Variants in CFAP299 observed in about 807,000 individuals in gnomAD.
CFAP299 encodes the protein cilia- and flagella-associated protein 299.
A neutral mutation model predicts 27.0 loss-of-function variants in CFAP299; 21 were observed. The observed-to-expected ratio is 0.78, with a 90% confidence interval of 0.55 to 1.12. The LOEUF is 1.12. CFAP299 is among the 50% of genes most tolerant of loss of function. The pLI, the probability that CFAP299 is intolerant of heterozygous loss-of-function variation, is 0.00. For synonymous variants in CFAP299, 104 were observed against 98.1 expected, an observed-to-expected ratio of 1.06 and a Z score of -0.36; for missense variants, 310 against 276.6, an observed-to-expected ratio of 1.12 and a Z score of -0.86.
chr4:80,518,870 A>G (rs1732730353), intron 2 of CFAP299, among the ~76,000 whole-genome samples: 1 of 152,090 alleles, frequency 6.6e-6, no homozygotes, highest in African/African-American at 2.4e-5. Flanking sequence ...TTGCTTAGAG[A>G]GGACATATGG....
At chr4:80,828,139 A>T (rs1330696968) in intron 3 of CFAP299, among the ~76,000 whole-genome samples, 1 of 152,060 alleles carries the variant, frequency 6.6e-6, no homozygotes, top group African/African-American at 2.4e-5. Flanking sequence ...TACAGATTCA[A>T]TGCAATCCTT....
chr4:80,446,662 C>T (rs1728629388), intron 2 of CFAP299, among the ~76,000 whole-genome samples: 1 of 152,136 alleles, frequency 6.6e-6, no homozygotes, highest in African/African-American at 2.4e-5. Flanking sequence ...CATTAGGGAC[C>T]TCAAACATCA....
chr4:80,891,830 G>GAAAAAAAAAAAAAAAAAAAAAAAAAAAAA (rs35425830), intron 4 of CFAP299, among the ~76,000 whole-genome samples: 1 of 53,996 alleles, frequency 1.9e-5, no homozygotes, highest in Non-Finnish European at 3.6e-5. Flanking sequence ...TAGATTAAAG[G>GAAAAAAAAAAAAAAAAAAAAAAAAAAAAA]AAAAAAAAAA....
At chr4:80,482,070 G>C (rs1390872991) in intron 2 of CFAP299, among the ~76,000 whole-genome samples, 1 of 151,934 alleles carries the variant, frequency 6.6e-6, no homozygotes, top group Non-Finnish European at 1.5e-5. Context: ...AAGTGGAAGA[G>C]TCAGAAAATC....
chr4:80,926,717 T>A (rs1736324769), intron 4 of CFAP299, among the ~76,000 whole-genome samples: 1 of 151,922 alleles, frequency 6.6e-6, no homozygotes, highest in Non-Finnish European at 1.5e-5. Context: ...CTATAAAAAA[T>A]GTCAATAGAG....
intron 4 of CFAP299, among the ~76,000 whole-genome samples, chr4:80,906,847 G>C (rs539127765): frequency 1.3e-5 from 2 of 152,304 alleles, no homozygotes; most frequent in East Asian, 3.9e-4. Context: ...CTCCAGAACT[G>C]TGATGGGAGG....
At chr4:80,380,055 T>G (rs1724618937) in intron 2 of CFAP299, among the ~76,000 whole-genome samples, 1 of 152,114 alleles carries the variant, frequency 6.6e-6, no homozygotes. Context: ...AAATACTATC[T>G]TTTTGATTTA....
intron 4 of CFAP299, among the ~76,000 whole-genome samples, chr4:80,889,966 AACAT>A (rs779976244): frequency 1.3e-5 from 2 of 152,156 alleles, no homozygotes; most frequent in African/African-American, 2.4e-5. Flanking sequence ...GAATAGAATG[AACAT>A]ACCTCAATGT....
At chr4:80,443,886 A>G (rs1728486457) in intron 2 of CFAP299, among the ~76,000 whole-genome samples, 1 of 152,166 alleles carries the variant, frequency 6.6e-6, no homozygotes, top group Non-Finnish European at 1.5e-5. Context: ...ACACACCAGT[A>G]ATAGACAAAC....
At chr4:80,737,940 T>G (rs986239914) in intron 3 of CFAP299, among the ~76,000 whole-genome samples, 3 of 152,130 alleles carry the variant, frequency 2.0e-5, no homozygotes, top group Non-Finnish European at 4.4e-5. Context: ...AATTATCACT[T>G]GTTTCCAAAA....
At chr4:80,626,648 A>T (rs1248872414) in intron 3 of CFAP299, among the ~76,000 whole-genome samples, 1 of 151,802 alleles carries the variant, frequency 6.6e-6, no homozygotes, top group Non-Finnish European at 1.5e-5. Flanking sequence ...TAGGAGTCAA[A>T]TAAGTAAAAT....
intron 2 of CFAP299, among the ~76,000 whole-genome samples, chr4:80,364,703 G>A (rs1723731969): frequency 6.6e-6 from 1 of 152,152 alleles, no homozygotes; most frequent in African/African-American, 2.4e-5. Context: ...CCATCACCTA[G>A]GTATTAAGCC....
chr4:80,627,704 C>T (rs1738981314), intron 3 of CFAP299, among the ~76,000 whole-genome samples: 1 of 151,668 alleles, frequency 6.6e-6, no homozygotes, highest in African/African-American at 2.4e-5. Flanking sequence ...TAATAGCAAG[C>T]TATCTGAAAA....
chr4:80,871,725 C>A, intron 4 of CFAP299: 1 of 732,358 alleles, frequency 1.4e-6, no homozygotes, highest in Non-Finnish European at 1.7e-6. Flanking sequence ...TCTCATTTCA[C>A]CTGCAAACAC....
At chr4:80,340,916 C>T (rs918868926) in intron 1 of CFAP299, among the ~76,000 whole-genome samples, 2 of 152,124 alleles carry the variant, frequency 1.3e-5, no homozygotes, top group African/African-American at 2.4e-5. Flanking sequence ...GCTGGAATTA[C>T]AGGTATGCAC....
intron 3 of CFAP299, among the ~76,000 whole-genome samples, chr4:80,662,090 A>T (rs1385562229): frequency 6.6e-6 from 1 of 152,062 alleles, no homozygotes; most frequent in Non-Finnish European, 1.5e-5. Context: ...AGCAATTTTA[A>T]TTTCGCCCTG....
chr4:80,516,964 A>T (rs932948694), intron 2 of CFAP299, among the ~76,000 whole-genome samples: 7 of 152,108 alleles, frequency 4.6e-5, no homozygotes, highest in Admixed American at 1.3e-4. Flanking sequence ...TTTATTTTTT[A>T]TTCACAGCTC....
At chr4:80,370,492 C>T (rs942683764) in intron 2 of CFAP299, among the ~76,000 whole-genome samples, 1 of 152,184 alleles carries the variant, frequency 6.6e-6, no homozygotes, top group Non-Finnish European at 1.5e-5. Context: ...GTCCCTTTTG[C>T]CTATGAGCCT....
intron 2 of CFAP299, among the ~76,000 whole-genome samples, chr4:80,479,968 A>G (rs1157230869): frequency 1.3e-5 from 2 of 152,030 alleles, no homozygotes; most frequent in Admixed American, 6.6e-5. Flanking sequence ...CAAGCCAAGT[A>G]TCTGCTAATG....
Sources: allele counts gnomAD v4.1 joint callset (sites outside exome capture counted in the v4.1 genomes callset), GRCh38; gene constraint gnomAD v4.1.1; transcripts MANE v1.5; gene names NCBI Gene and HGNC (gene_info 2026-07-23, HGNC 2026-07-21).